NMU: variants seen among roughly 807,000 people sequenced by gnomAD.
NMU encodes neuromedin U.
NMU carries 29 observed loss-of-function variants against 35.4 expected under a neutral mutation model. The observed-to-expected ratio is 0.82, with a 90% CI of 0.61 to 1.12. The LOEUF is 1.12. NMU is among the 50% of genes most tolerant of loss of function. NMU has a pLI of 0.00. For synonymous variants in NMU, 78 were observed against 81.3 expected, an observed-to-expected ratio of 0.96 and a Z score of 0.22; for missense variants, 199 against 206.2, an observed-to-expected ratio of 0.97 and a Z score of 0.21.
At chr4:55,615,001 G>A (rs1734062894) in intron 3 of NMU, among the ~76,000 whole-genome samples, 1 of 152,110 alleles carries the variant, frequency 6.6e-6, no homozygotes, top group Admixed American at 6.6e-5. Flanking sequence ...CACTATACAA[G>A]GCTGTTTCTT....
chr4:55,618,745 TTC>T lies in NMU; in HGVS notation c.172-2362_172-2361del, dbSNP rs745771457. ...TCTCTTTCTTCTTTCTTTCTTTTTC[TTC>T]TCTTTCTTTCTTCTCTCTCTTTCTT... On this transcript the variant is annotated intron_variant, in intron 2 of 9. Transcript: ENST00000264218. 4.7e-3 allele frequency among the ~76,000 whole-genome samples: 610 copies of T among 128,874 alleles called. 2 individuals carry two copies. Among genetic ancestry groups the T allele is most frequent in the African/African-American group, 9.2e-3 (335 of 36,544 alleles). 84.5% of individuals were successfully genotyped at this position (128,874 alleles called of 152,430 possible).
chr4:55,613,604 C>G (rs1734015062), intron 3 of NMU, among the ~76,000 whole-genome samples: 1 of 152,042 alleles, frequency 6.6e-6, no homozygotes, highest in South Asian at 2.1e-4. Context: ...CCCATTGAAT[C>G]ACGCCCCCCT....
chr4:55,597,961 G>A (rs1164130131), intron 9 of NMU, among the ~76,000 whole-genome samples: 1 of 151,152 alleles, frequency 6.6e-6, no homozygotes, highest in African/African-American at 2.4e-5. Context: ...AAGAATTACT[G>A]ACAGATTTTT....
intron 2 of NMU, among the ~76,000 whole-genome samples, chr4:55,629,348 C>T (rs114086812): frequency 0.017 from 2,608 of 151,482 alleles, 62 homozygotes; most frequent in African/African-American, 0.059. Context: ...TGGTCGGGTG[C>T]GGTGGCTCCT....
At chr4:55,632,943 AAAACACGT>A (rs1371977226) in intron 1 of NMU, among the ~76,000 whole-genome samples, 1 of 151,722 alleles carries the variant, frequency 6.6e-6, no homozygotes, top group African/African-American at 2.4e-5. Context: ...GCTCTTCTAA[AAAACACGT>A]AAACACAGTT....
intron 2 of NMU, among the ~76,000 whole-genome samples, chr4:55,617,418 C>T (rs779071662): frequency 6.1e-4 from 93 of 152,016 alleles, no homozygotes; most frequent in Non-Finnish European, 9.7e-4. Flanking sequence ...CCTTTATGTC[C>T]CAAATATTTG....
At chr4:55,595,640 TA>T (rs766209142) in intron 9 of NMU, among the ~76,000 whole-genome samples, 25,440 of 92,108 alleles carry the variant, frequency 0.28, 3,240 homozygotes, top group East Asian at 0.46. Flanking sequence ...TATATATATA[TA>T]TATTTTTTTT....
chr4:55,598,152 A>G (rs1213485740), intron 9 of NMU, among the ~76,000 whole-genome samples: 1 of 131,504 alleles, frequency 7.6e-6, no homozygotes, highest in Non-Finnish European at 1.5e-5. Context: ...TGGAATGCAG[A>G]GGAAAGATCA....
chr4:55,611,876 G>A (rs1472706439), intron 3 of NMU, among the ~76,000 whole-genome samples: 3 of 152,172 alleles, frequency 2.0e-5, no homozygotes, highest in Non-Finnish European at 2.9e-5. Flanking sequence ...ATGACTATAC[G>A]TAATTTGTAT....
At chr4:55,603,989 A>ATATATATG (rs1733553339) in intron 7 of NMU, among the ~76,000 whole-genome samples, 7 of 126,134 alleles carry the variant, frequency 5.5e-5, no homozygotes, top group East Asian at 4.1e-4. Flanking sequence ...ATATATGTGT[A>ATATATATG]TATATATACG....
intron 6 of NMU, 56 bp from the exon 7 acceptor site, chr4:55,605,405 T>C (rs1339331267): frequency 8.3e-7 from 1 of 1,210,238 alleles, no homozygotes; most frequent in South Asian, 1.2e-5. Context: ...GCAGTGGCCA[T>C]CAAGACGGTT....
At chr4:55,604,818 G>A (rs1464733392) in intron 7 of NMU, among the ~76,000 whole-genome samples, 1 of 151,452 alleles carries the variant, frequency 6.6e-6, no homozygotes, top group Non-Finnish European at 1.5e-5. Flanking sequence ...ACAGGTGTGA[G>A]CCACCAGGCC....
intron 2 of NMU, among the ~76,000 whole-genome samples, chr4:55,627,293 T>G (rs531810786): frequency 9.2e-5 from 14 of 152,270 alleles, no homozygotes; most frequent in African/African-American, 3.4e-4. Context: ...TGTCTCAGTA[T>G]CTGATAAGGC....
chr4:55,624,058 T>C (rs1354456849), intron 2 of NMU, among the ~76,000 whole-genome samples: 1 of 133,912 alleles, frequency 7.5e-6, no homozygotes, highest in African/African-American at 2.7e-5. Flanking sequence ...CCTAAAACCA[T>C]AAAAACCCTA....
At chr4:55,630,089 A>G (rs2110212616) in intron 2 of NMU, among the ~76,000 whole-genome samples, 1 of 152,002 alleles carries the variant, frequency 6.6e-6, no homozygotes, top group South Asian at 2.1e-4. Context: ...GATAGACAAT[A>G]TATTTCTGGA....
intron 3 of NMU, 33 bp downstream of exon 3, chr4:55,616,305 A>T: frequency 3.9e-6 from 6 of 1,544,624 alleles, no homozygotes; most frequent in Non-Finnish European, 5.4e-6. Context: ...ACAAACACCT[A>T]CATTATTACA....
rs921808221 is a variant in NMU at position 55,628,079 on chromosome 4, C to A, written c.171+2323G>T. Among the ~76,000 whole-genome samples, 63 of 152,282 alleles carry A rather than the reference C, an allele frequency of 4.1e-4. 2 individuals are homozygous for A. The highest frequency in any genetic ancestry group is 3.1e-3 in the Admixed American group (48 of 15,290). On this transcript the variant is annotated intron_variant, in intron 2 of 9. Coordinates refer to ENST00000264218, the MANE Select transcript of NMU (RefSeq NM_006681.4). ...CAGTGCTTATCATATTACCACTGGACCTTTTTTGGCACAGCATATTTATCT... is the reference window on the plus strand; with the variant it reads ...CAGTGCTTATCATATTACCACTGGAACTTTTTTGGCACAGCATATTTATCT...
At chr4:55,616,565 C>T (rs1257475518) in intron 2 of NMU, among the ~76,000 whole-genome samples, 180 bp from the exon 3 acceptor site, 1 of 152,134 alleles carries the variant, frequency 6.6e-6, no homozygotes, top group Non-Finnish European at 1.5e-5. Context: ...AATGAGACTT[C>T]CCTCAAGATG....
At chr4:55,601,666 T>C (rs1480992519) in intron 7 of NMU, among the ~76,000 whole-genome samples, 1 of 152,132 alleles carries the variant, frequency 6.6e-6, no homozygotes, top group Non-Finnish European at 1.5e-5. Flanking sequence ...TGTACACATA[T>C]AAACCATATG....
Sources: allele counts gnomAD v4.1 joint callset (sites outside exome capture counted in the v4.1 genomes callset), GRCh38; gene constraint gnomAD v4.1.1; transcripts MANE v1.5; gene names NCBI Gene and HGNC (gene_info 2026-07-23, HGNC 2026-07-21).